SCFD1: variants seen among roughly 807,000 people sequenced by gnomAD.
SCFD1 encodes the protein sec1 family domain containing 1, also known as sec1 family domain-containing protein 1.
Under a neutral mutation model 103.2 loss-of-function variants are expected in SCFD1, and 37 were observed. The observed-to-expected ratio is 0.36, with a 90% CI of 0.28 to 0.47. SCFD1 has a LOEUF of 0.47. SCFD1 is among the 20% of genes least tolerant of loss of function. The pLI is 1.00. For synonymous variants in SCFD1, 264 were observed against 245.0 expected (o/e 1.08, Z -0.73); for missense variants, 639 against 761.2 (o/e 0.84, Z 1.89).
At chr14:30,729,084 AT>A (rs759329995) in intron 23 of SCFD1, among the ~76,000 whole-genome samples, 7 of 151,832 alleles carry the variant, frequency 4.6e-5, no homozygotes, top group Non-Finnish European at 1.0e-4. Context: ...TCCATTTTTA[AT>A]TGGGTTATTT....
intron 6 of SCFD1, among the ~76,000 whole-genome samples, chr14:30,642,551 T>G (rs1029066285): frequency 2.6e-5 from 4 of 152,206 alleles, no homozygotes; most frequent in Non-Finnish European, 4.4e-5. Flanking sequence ...TATACACTCT[T>G]GTAGATTAGA....
chr14:30,727,766 G>C (rs1893153938), intron 23 of SCFD1, among the ~76,000 whole-genome samples: 1 of 152,184 alleles, frequency 6.6e-6, no homozygotes, highest in African/African-American at 2.4e-5. Context: ...TTCGGCAAGA[G>C]GACTTACCTG....
chr14:30,733,589 G>A (rs2139450996), intron 23 of SCFD1, among the ~76,000 whole-genome samples: 1 of 152,330 alleles, frequency 6.6e-6, no homozygotes, highest in East Asian at 1.9e-4. Flanking sequence ...CCATGGTGCT[G>A]ATGTTTAGCC....
chr14:30,735,621 CT>C lies in SCFD1; in HGVS notation c.*14del. 6.3e-7 allele frequency: 1 copy of C among 1,581,262 alleles called. No individual in the cohort carries two copies. Among genetic ancestry groups the C allele is most frequent in the Non-Finnish European group, 8.6e-7 (1 of 1,157,020 alleles). ...TTGGACAAAAGTAACACAGAAGAAC[CT>C]TACTATGATAATCTACTTGGAATGT... On this transcript the variant is annotated 3_prime_UTR_variant, in exon 25 of 25. Transcript: ENST00000458591.
intron 16 of SCFD1, among the ~76,000 whole-genome samples, chr14:30,701,809 T>TG (rs966253777): frequency 5.4e-5 from 8 of 149,348 alleles, no homozygotes; most frequent in Non-Finnish European, 1.2e-4. Flanking sequence ...TAAGGAAGAG[T>TG]GAAAAAAAAA....
chr14:30,652,970 C>T (rs2139113363), intron 9 of SCFD1, among the ~76,000 whole-genome samples: 1 of 152,024 alleles, frequency 6.6e-6, no homozygotes, highest in Admixed American at 6.6e-5. Flanking sequence ...GATTGTGCCA[C>T]TACACTCCAA....
intron 22 of SCFD1, 82 bp from the exon 23 acceptor site, chr14:30,722,412 C>A: frequency 1.0e-6 from 1 of 982,178 alleles, no homozygotes; most frequent in Non-Finnish European, 1.5e-6. Context: ...TGACTTTTGG[C>A]TAGCATTTTT....
chr14:30,679,803 G>T (rs1233165623), intron 14 of SCFD1, among the ~76,000 whole-genome samples: 3 of 151,956 alleles, frequency 2.0e-5, no homozygotes, highest in African/African-American at 4.8e-5. Flanking sequence ...ATTTTGTGCT[G>T]ATTTGTTTAA....
chr14:30,629,598 A>G (rs1441192701), intron 2 of SCFD1, among the ~76,000 whole-genome samples: 3 of 105,604 alleles, frequency 2.8e-5, no homozygotes, highest in Admixed American at 2.1e-4. Context: ...TTTTTTTTTG[A>G]GATGGAATCT....
chr14:30,657,210 A>G (rs1886991483), intron 10 of SCFD1, among the ~76,000 whole-genome samples: 1 of 152,060 alleles, frequency 6.6e-6, no homozygotes, highest in Non-Finnish European at 1.5e-5. Context: ...CCCTGGATGG[A>G]GGAAATTAAA....
At chr14:30,726,989 G>A (rs1027762145) in intron 23 of SCFD1, among the ~76,000 whole-genome samples, 7 of 152,042 alleles carry the variant, frequency 4.6e-5, no homozygotes, top group Non-Finnish European at 1.0e-4. Context: ...AATCTTTCAG[G>A]AACCTTTTGA....
intron 17 of SCFD1, among the ~76,000 whole-genome samples, chr14:30,702,648 C>G (rs954533843): frequency 6.6e-6 from 1 of 152,012 alleles, no homozygotes; most frequent in African/African-American, 2.4e-5. Context: ...TCAAATGTCT[C>G]CAAGGCATTA....
At chr14:30,697,076 C>T (rs910139000) in intron 15 of SCFD1, among the ~76,000 whole-genome samples, 10 of 151,814 alleles carry the variant, frequency 6.6e-5, no homozygotes, top group African/African-American at 1.2e-4. Context: ...TTGGGGGGGG[C>T]GGTGTATACT....
At chr14:30,709,183 C>T (rs1891689181) in intron 19 of SCFD1, among the ~76,000 whole-genome samples, 2 of 152,122 alleles carry the variant, frequency 1.3e-5, no homozygotes, top group African/African-American at 4.8e-5. Context: ...GTTTATTTAC[C>T]TGTATTCAGA....
chr14:30,652,088 CA>C (rs1886445677), intron 9 of SCFD1, among the ~76,000 whole-genome samples: 1 of 152,168 alleles, frequency 6.6e-6, no homozygotes, highest in Non-Finnish European at 1.5e-5. Context: ...TAGTAGATCG[CA>C]AGGGTGCCAC....
At chr14:30,732,274 C>A (rs1471217917) in intron 23 of SCFD1, among the ~76,000 whole-genome samples, 4 of 152,082 alleles carry the variant, frequency 2.6e-5, no homozygotes, top group Non-Finnish European at 2.9e-5. Context: ...AGTTTTGCTT[C>A]TTTTCTATCT....
At chr14:30,662,054 A>T (rs1440573323) in intron 10 of SCFD1, among the ~76,000 whole-genome samples, 2 of 152,174 alleles carry the variant, frequency 1.3e-5, no homozygotes, top group Non-Finnish European at 2.9e-5. Context: ...TTTTACAATT[A>T]AAATCTTAAG....
intron 7 of SCFD1, among the ~76,000 whole-genome samples, chr14:30,648,126 G>GGA (rs757128617): frequency 1.4e-4 from 21 of 152,066 alleles, no homozygotes; most frequent in Non-Finnish European, 3.1e-4. Context: ...AAAACAACAT[G>GGA]GAGGCATCCA....
At chr14:30,718,206 C>T (rs1218772996) in intron 20 of SCFD1, among the ~76,000 whole-genome samples, 1 of 152,210 alleles carries the variant, frequency 6.6e-6, no homozygotes, top group Non-Finnish European at 1.5e-5. Context: ...TGACTTCCCA[C>T]GTCACACTAC....
Sources: gnomAD v4.1 joint callset for allele counts (sites outside exome capture counted in the v4.1 genomes callset) on GRCh38, gnomAD v4.1.1 for gene constraint, MANE v1.5 for transcripts, NCBI Gene and HGNC (gene_info 2026-07-23, HGNC 2026-07-21) for gene names.